The following CPD variants were observed in gnomAD, a reference collection of about 807,000 sequenced individuals.
The protein encoded by CPD is carboxypeptidase D, also known as metallocarboxypeptidase D.
In CPD, 69 loss-of-function variants were observed where a neutral mutation model predicts 138.3. The ratio of observed to expected loss-of-function variants is 0.50; its 90% CI spans 0.41 to 0.61. CPD has a LOEUF of 0.61. CPD is among the 20% of genes least tolerant of loss of function. CPD has a pLI of 0.00. For missense variants in CPD, 1,432 were observed against 1,733.3 expected, an observed-to-expected ratio of 0.83 and a Z score of 3.09; for synonymous variants, 651 against 642.1, an observed-to-expected ratio of 1.01 and a Z score of -0.21.
Position 30,462,364 on chromosome 17 carries a change from T to G in CPD, c.3817-6T>G. On this transcript the variant is annotated splice_polypyrimidine_tract_variant and splice_region_variant and intron_variant, in intron 19 of 20. Coordinates refer to ENST00000225719, the MANE Select transcript of CPD (RefSeq NM_001304.5). Reference sequence around the variant, plus strand: ...TTGTCATGATTCTTACACTTTCTCCTTCTAGGTCTTTGTGCATCATGATGC... The same window carrying G: ...TTGTCATGATTCTTACACTTTCTCCGTCTAGGTCTTTGTGCATCATGATGC... 6.2e-7 allele frequency: 1 copy of G among 1,609,366 alleles called. No individual in the cohort carries two copies. The highest frequency in any genetic ancestry group is 8.5e-7 in the Non-Finnish European group (1 of 1,175,914).
chr17:30,464,707 G>C lies in CPD; in HGVS notation c.4036G>C (p.Asp1346His). The change falls in exon 21 of 21, where the codon GAT becomes CAT. Residue 1346 changes from aspartate (D) to histidine (H), a missense_variant. Transcript: ENST00000225719. Reference protein sequence around the residue: ...RLRQHHDEYEDEIRMMSTGSK... With the variant: ...RLRQHHDEYEHEIRMMSTGSK... ...CAGGCAGCATCATGATGAGTATGAA[G>C]ATGAAATTCGCATGATGTCTACCGG... The C allele has an allele frequency of 6.2e-7, 1 of 1,613,990 alleles. No homozygotes were observed. The highest frequency in any genetic ancestry group is 8.5e-7 in the Non-Finnish European group (1 of 1,179,906).
At chr17:30,436,155 C>T (rs573693302) in intron 8 of CPD, among the ~76,000 whole-genome samples, 18 of 152,120 alleles carry the variant, frequency 1.2e-4, no homozygotes, top group Admixed American at 3.9e-4. Flanking sequence ...AGTAAAAAGA[C>T]AACCCACAGA....
At chr17:30,399,951 A>G (rs966633708) in intron 2 of CPD, among the ~76,000 whole-genome samples, 1 of 152,144 alleles carries the variant, frequency 6.6e-6, no homozygotes, top group South Asian at 2.1e-4. Context: ...AGATTGTACC[A>G]CTGCACTCCA....
intron 2 of CPD, among the ~76,000 whole-genome samples, chr17:30,408,919 A>C (rs1207362748): frequency 6.6e-6 from 1 of 152,070 alleles, no homozygotes; most frequent in African/African-American, 2.4e-5. Flanking sequence ...GTATTCAAAA[A>C]AACTGGCACA....
At chr17:30,459,146 C>CTTTTTTTT (rs34756707) in intron 17 of CPD, among the ~76,000 whole-genome samples, 1 of 64,940 alleles carries the variant, frequency 1.5e-5, no homozygotes, top group East Asian at 5.2e-4. Flanking sequence ...GCCAGTATCA[C>CTTTTTTTT]TTTTTTTTTT....
rs143199132 is a variant in CPD at position 30,438,871 on chromosome 17, T to C, written c.2128-104T>C. 641 of 638,508 alleles carry C rather than the reference T, an allele frequency of 1.0e-3. 5 individuals carry two copies. The African/African-American group carries it at 0.011, about 11-fold the overall frequency. The allele number at this position is 638,508 out of a possible 1,614,324, so 39.6% of individuals were successfully genotyped here. ...CCCACTCCCACCTCCACCCCTCACA[T>C]ACCCTGTTGGAAGCCACTTTTATTA... is the stretch of plus-strand genomic sequence containing the variant. On this transcript the variant is annotated intron_variant, in intron 8 of 20. Coordinates refer to ENST00000225719, the MANE Select transcript of CPD (RefSeq NM_001304.5).
Position 30,461,994 on chromosome 17 carries a change from G to A in CPD, c.3748G>A (p.Val1250Ile). ...AACAAAAGAGGGAGGTTATTTCCAT[G>A]TACTCTTAGCGCCAGGTGTCCATAA... is the stretch of plus-strand genomic sequence containing the variant. Reference protein sequence around the residue: ...VQTKEGGYFHVLLAPGVHNII... With the variant: ...VQTKEGGYFHILLAPGVHNII... Residue 1250 changes from valine to isoleucine, a missense_variant, in exon 19 of 21, where the codon GTA becomes ATA. Coordinates refer to ENST00000225719, the MANE Select transcript of CPD (RefSeq NM_001304.5). The A allele has an allele frequency of 6.2e-7, 1 of 1,613,964 alleles. No individual in the cohort carries two copies. The highest frequency in any genetic ancestry group is 2.2e-5 in the East Asian group (1 of 44,868).
intron 13 of CPD, 119 bp from the exon 14 acceptor site, chr17:30,451,592 A>T: frequency 1.1e-6 from 1 of 897,820 alleles, no homozygotes; most frequent in Non-Finnish European, 1.7e-6. Flanking sequence ...CATTCATCTT[A>T]GTTCTGTCTT....
At chr17:30,422,219 C>A (rs1912284303) in intron 4 of CPD, among the ~76,000 whole-genome samples, 1 of 152,098 alleles carries the variant, frequency 6.6e-6, no homozygotes. Flanking sequence ...TCCCACCTCC[C>A]CTGGAAAGCT....
At chr17:30,411,758 C>G (rs1359135053) in intron 2 of CPD, among the ~76,000 whole-genome samples, 1 of 152,188 alleles carries the variant, frequency 6.6e-6, no homozygotes, top group African/African-American at 2.4e-5. Context: ...AGCCATTCGT[C>G]TAACCTTTTT....
chr17:30,380,566 T>G, intron 1 of CPD: 1 of 1,490,680 alleles, frequency 6.7e-7, no homozygotes, highest in Non-Finnish European at 8.9e-7. Flanking sequence ...GCATGAGGTT[T>G]AAAAAATTAC....
chr17:30,380,533 C>G (rs1911011896), intron 1 of CPD: 1 of 1,441,730 alleles, frequency 6.9e-7, no homozygotes, highest in East Asian at 2.7e-5. Flanking sequence ...TTCTAATACA[C>G]ACTTTAAGTG....
intron 12 of CPD, among the ~76,000 whole-genome samples, chr17:30,446,743 A>T (rs918889339): frequency 2.6e-5 from 4 of 152,206 alleles, no homozygotes; most frequent in Non-Finnish European, 5.9e-5. Context: ...TCCCTGAGGA[A>T]TTGCAACACT....
At chr17:30,429,557 T>A (rs552585280) in intron 7 of CPD, among the ~76,000 whole-genome samples, 2 of 152,280 alleles carry the variant, frequency 1.3e-5, no homozygotes, top group African/African-American at 4.8e-5. Context: ...CTGGAGCTTG[T>A]GAATTAAGCT....
intron 19 of CPD, 137 bp from the exon 20 acceptor site, chr17:30,462,233 A>T: frequency 9.4e-7 from 1 of 1,065,266 alleles, no homozygotes; most frequent in Non-Finnish European, 1.3e-6. Flanking sequence ...ACAAAAGGGA[A>T]AATTTTCTAG....
chr17:30,399,864 C>T (rs1475843660), intron 2 of CPD, among the ~76,000 whole-genome samples: 1 of 152,066 alleles, frequency 6.6e-6, no homozygotes, highest in African/African-American at 2.4e-5. Context: ...GTGGCAGGCA[C>T]CTGTAATCCC....
intron 2 of CPD, among the ~76,000 whole-genome samples, chr17:30,419,365 A>G (rs1463820546): frequency 6.6e-6 from 1 of 152,020 alleles, no homozygotes; most frequent in African/African-American, 2.4e-5. Flanking sequence ...TTGGAGACAG[A>G]GTCGCACTCT....
chr17:30,458,364 T>C (rs1450604924), intron 17 of CPD, among the ~76,000 whole-genome samples: 1 of 152,210 alleles, frequency 6.6e-6, no homozygotes, highest in East Asian at 1.9e-4. Flanking sequence ...CGAAATCCAG[T>C]GTACCTGTTT....
At chr17:30,408,432 T>C (rs969410488) in intron 2 of CPD, among the ~76,000 whole-genome samples, 1 of 152,180 alleles carries the variant, frequency 6.6e-6, no homozygotes, top group Admixed American at 6.6e-5. Flanking sequence ...ATTCTTCCTA[T>C]CCATGAGCAT....
Sources: allele counts gnomAD v4.1 joint callset (sites outside exome capture counted in the v4.1 genomes callset), GRCh38; gene constraint gnomAD v4.1.1; transcripts MANE v1.5; gene names NCBI Gene and HGNC (gene_info 2026-07-23, HGNC 2026-07-21).